KANK1: variants seen among roughly 807,000 people sequenced by gnomAD.
KANK1 encodes KN motif and ankyrin repeat domains 1.
Under a neutral mutation model 106.2 loss-of-function variants are expected in KANK1, and 109 were observed. The observed-to-expected ratio is 1.03, with a 90% confidence interval of 0.88 to 1.20. The LOEUF is 1.20. Among genes scored for constraint, KANK1 ranks in the 50% most tolerant of loss-of-function variants. KANK1 has a pLI of 0.00. For synonymous variants in KANK1, 873 were observed against 652.2 expected, an observed-to-expected ratio of 1.34 and a Z score of -5.16; for missense variants, 2,399 against 1,710.7, an observed-to-expected ratio of 1.40 and a Z score of -7.10.
chr9:528,856 G>A (rs1432440698), intron 1 of KANK1, among the ~76,000 whole-genome samples: 1 of 151,744 alleles, frequency 6.6e-6, no homozygotes, highest in Non-Finnish European at 1.5e-5. Context: ...CTGGAATGCA[G>A]TCTTATGATC....
intron 1 of KANK1, among the ~76,000 whole-genome samples, chr9:615,755 T>C (rs1402925596): frequency 1.3e-5 from 2 of 152,180 alleles, no homozygotes; most frequent in Non-Finnish European, 2.9e-5. Context: ...TATATTCTCT[T>C]TGACATTTAA....
Position 650,469 on chromosome 9 carries a change from G to A in KANK1, c.-83-26421G>A, listed in dbSNP as rs1840640806. On this transcript the variant is annotated intron_variant, in intron 1 of 11. Coordinates refer to ENST00000382297, the MANE Select transcript of KANK1 (RefSeq NM_015158.5). ...TTGTTATGTAGATTCTTACTCCTGG[G>A]TCTAGGATGGGGGCCTAAGATTCTG... Among the ~76,000 whole-genome samples, 5 of 152,226 alleles carry A rather than the reference G, an allele frequency of 3.3e-5. 1 individual carries two copies. The South Asian group carries it at 1.0e-3, about 32-fold the overall frequency.
At chr9:505,396 C>T (rs1442145630) in intron 1 of KANK1, among the ~76,000 whole-genome samples, 6 of 152,214 alleles carry the variant, frequency 3.9e-5, no homozygotes, top group Admixed American at 6.5e-5. Flanking sequence ...CGGCCCAACC[C>T]GGCGCGGGCA....
intron 1 of KANK1, among the ~76,000 whole-genome samples, chr9:522,283 C>G (rs537821581): frequency 2.6e-5 from 4 of 151,510 alleles, no homozygotes; most frequent in African/African-American, 9.8e-5. Flanking sequence ...TGAAAGATGC[C>G]GCAAGTGTTT....
chr9:695,073 C>G (rs1346394647), intron 2 of KANK1, among the ~76,000 whole-genome samples: 1 of 152,150 alleles, frequency 6.6e-6, no homozygotes, highest in Non-Finnish European at 1.5e-5. Flanking sequence ...GATTCCAGGG[C>G]TCTCTTGCCC....
At chr9:655,296 G>T (rs932726112) in intron 1 of KANK1, among the ~76,000 whole-genome samples, 6 of 151,348 alleles carry the variant, frequency 4.0e-5, no homozygotes, top group Non-Finnish European at 8.8e-5. Flanking sequence ...GCTTGAACCC[G>T]GGAGGCAGAG....
chr9:474,669 C>T (rs1251702167), intron 3 of KANK1, among the ~76,000 whole-genome samples: 1 of 152,234 alleles, frequency 6.6e-6, no homozygotes, highest in Non-Finnish European at 1.5e-5. Context: ...ATCATCCTCT[C>T]ACTACCCATG....
At chr9:657,278 G>A (rs1336672909) in intron 1 of KANK1, among the ~76,000 whole-genome samples, 3 of 152,106 alleles carry the variant, frequency 2.0e-5, no homozygotes, top group African/African-American at 4.8e-5. Flanking sequence ...ATCTGTTAAT[G>A]GACTTTTAGG....
intron 1 of KANK1, among the ~76,000 whole-genome samples, chr9:605,300 CAA>C (rs34315668): frequency 0.062 from 6,670 of 106,824 alleles, 189 homozygotes; most frequent in African/African-American, 0.11. Flanking sequence ...GACTCCGTCT[CAA>C]AAAAAAAAAA....
intron 3 of KANK1, among the ~76,000 whole-genome samples, chr9:716,113 C>T (rs1008060805): frequency 1.3e-5 from 2 of 152,160 alleles, no homozygotes; most frequent in Non-Finnish European, 2.9e-5. Flanking sequence ...TGACACCTAC[C>T]AAAAAGAGCA....
At chr9:572,379 T>A (rs1227187366) in intron 1 of KANK1, among the ~76,000 whole-genome samples, 1 of 151,760 alleles carries the variant, frequency 6.6e-6, no homozygotes, top group Non-Finnish European at 1.5e-5. Context: ...TGAAACCCCG[T>A]CTCTACTAAA....
chr9:562,360 T>C (rs952117426), intron 1 of KANK1, among the ~76,000 whole-genome samples: 1 of 152,128 alleles, frequency 6.6e-6, no homozygotes, highest in African/African-American at 2.4e-5. Flanking sequence ...CCCAAGTAAA[T>C]TGCATTTTCT....
At chr9:578,331 G>C (rs1171385474) in intron 1 of KANK1, among the ~76,000 whole-genome samples, 1 of 59,946 alleles carries the variant, frequency 1.7e-5, no homozygotes, top group Non-Finnish European at 3.0e-5. Flanking sequence ...TTTTTCAACT[G>C]TGTGTGTGTG....
chr9:656,041 A>G (rs927556), intron 1 of KANK1, among the ~76,000 whole-genome samples: 127,488 of 152,166 alleles, frequency 0.84, 53,537 homozygotes, highest in East Asian at 0.97. Flanking sequence ...AATGCCCCAG[A>G]GCCTCGTTGC....
chr9:593,155 C>T (rs1265877802), intron 1 of KANK1, among the ~76,000 whole-genome samples: 1 of 151,818 alleles, frequency 6.6e-6, no homozygotes, highest in Non-Finnish European at 1.5e-5. Context: ...CCTTTCCTAA[C>T]TGCCTCTTAT....
At chr9:620,352 A>G (rs564010118) in intron 1 of KANK1, among the ~76,000 whole-genome samples, 61 of 152,178 alleles carry the variant, frequency 4.0e-4, no homozygotes, top group Non-Finnish European at 7.6e-4. Flanking sequence ...TTCTTGGGCC[A>G]TAGTAAACAA....
intron 1 of KANK1, among the ~76,000 whole-genome samples, chr9:548,658 T>A (rs1420932671): frequency 6.6e-6 from 1 of 152,174 alleles, no homozygotes; most frequent in Non-Finnish European, 1.5e-5. Flanking sequence ...TTTATGTGTG[T>A]ATAGAAAAAA....
chr9:632,269 C>G (rs9407326), intron 1 of KANK1, among the ~76,000 whole-genome samples: 35,983 of 151,686 alleles, frequency 0.24, 4,378 homozygotes, highest in East Asian at 0.33. Context: ...ATTGCATGCC[C>G]CTAGATTTTG....
At chr9:547,529 C>T (rs750679637) in intron 1 of KANK1, among the ~76,000 whole-genome samples, 11 of 148,166 alleles carry the variant, frequency 7.4e-5, no homozygotes, top group Non-Finnish European at 1.2e-4. Flanking sequence ...GATGGGGAGA[C>T]GGATTAAAAT....
Sources: gnomAD v4.1 joint callset for allele counts (sites outside exome capture counted in the v4.1 genomes callset) on GRCh38, gnomAD v4.1.1 for gene constraint, MANE v1.5 for transcripts, NCBI Gene and HGNC (gene_info 2026-07-23, HGNC 2026-07-21) for gene names.